The following PPP1R1C variants were observed in gnomAD, a reference collection of about 807,000 sequenced individuals.
PPP1R1C encodes the protein protein phosphatase 1 regulatory subunit 1C.
PPP1R1C carries 15 observed loss-of-function variants against 17.4 expected under a neutral mutation model. That is an observed-to-expected ratio of 0.86 (90% CI 0.58 to 1.33). PPP1R1C has a LOEUF of 1.33. Among genes scored for constraint, PPP1R1C ranks in the 40% most tolerant of loss-of-function variants. The pLI, the probability that PPP1R1C is intolerant of heterozygous loss-of-function variation, is 0.00. For synonymous variants in PPP1R1C, 35 were observed against 43.1 expected (o/e 0.81, Z 0.73); for missense variants, 143 against 130.0 (o/e 1.10, Z -0.48).
intron 4 of PPP1R1C, among the ~76,000 whole-genome samples, chr2:182,109,579 A>G (rs933572947): frequency 6.6e-6 from 1 of 152,124 alleles, no homozygotes; most frequent in African/African-American, 2.4e-5. Context: ...CCAGTTGTTC[A>G]AGTTCCCGTT....
chr2:182,105,076 G>T (rs1263736366), intron 4 of PPP1R1C, among the ~76,000 whole-genome samples: 3 of 151,944 alleles, frequency 2.0e-5, no homozygotes, highest in Non-Finnish European at 4.4e-5. Context: ...AAAAATGAGG[G>T]GTGGAAAAAA....
chr2:182,030,057 G>T (rs1235456351), intron 2 of PPP1R1C, among the ~76,000 whole-genome samples: 2 of 121,234 alleles, frequency 1.6e-5, no homozygotes, highest in Non-Finnish European at 3.4e-5. Context: ...TTGGTTTTCA[G>T]CTCCATCAGC....
intron 2 of PPP1R1C, among the ~76,000 whole-genome samples, chr2:181,992,185 G>T: frequency 1.5e-5 from 2 of 137,218 alleles, no homozygotes; most frequent in South Asian, 2.4e-4. Flanking sequence ...ATAATTAACC[G>T]GGCTTTTCAA....
intron 2 of PPP1R1C, among the ~76,000 whole-genome samples, chr2:181,989,643 T>C (rs1685401666): frequency 6.6e-6 from 1 of 152,202 alleles, no homozygotes; most frequent in African/African-American, 2.4e-5. Flanking sequence ...GATTCAGTTT[T>C]TCTCTAGAAA....
At chr2:182,034,486 A>C (rs991873073) in intron 2 of PPP1R1C, among the ~76,000 whole-genome samples, 9 of 152,210 alleles carry the variant, frequency 5.9e-5, no homozygotes, top group African/African-American at 2.2e-4. Flanking sequence ...AAAGAAGGTC[A>C]TTGAGGCTGG....
chr2:181,997,313 G>A (rs1685644172), intron 2 of PPP1R1C, among the ~76,000 whole-genome samples: 2 of 151,162 alleles, frequency 1.3e-5, no homozygotes, highest in Non-Finnish European at 2.9e-5. Context: ...CACAGAGGTA[G>A]ATATCCAACT....
In PPP1R1C at chr2:182,053,782, A is replaced by AT. The variant is rs1553507718; in HGVS notation, c.143-7657dup. 1.7e-3 allele frequency among the ~76,000 whole-genome samples: 249 copies of AT among 147,856 alleles called. 2 individuals carry two copies. The highest frequency in any genetic ancestry group is 4.2e-3 in the Admixed American group (63 of 14,968). ...TTTTATTTATTTATTTATTTATTTT[A>AT]TTTATTTATTCTTTTGAGACAGAAT... On this transcript the variant is annotated intron_variant, in intron 2 of 4. Coordinates refer to ENST00000682840, the MANE Select transcript of PPP1R1C (RefSeq NM_001080545.3).
At chr2:182,045,948 G>A (rs965158056) in intron 2 of PPP1R1C, among the ~76,000 whole-genome samples, 1 of 152,004 alleles carries the variant, frequency 6.6e-6, no homozygotes, top group East Asian at 1.9e-4. Flanking sequence ...ACCTTTTACT[G>A]TATATATATT....
Position 182,014,231 on chromosome 2 carries a change from C to A in PPP1R1C, c.142+26332C>A, listed in dbSNP as rs1390799624. 3.3e-5 allele frequency among the ~76,000 whole-genome samples: 5 copies of A among 152,176 alleles called. No individual in the cohort carries two copies. The South Asian group carries it at 1.0e-3, about 32-fold the overall frequency. ...CATTGAGTGTTGTTATCTACCTGGT[C>A]ACTGTAGCTGTATCTGCATTAGGAG... On this transcript the variant is annotated intron_variant, in intron 2 of 4. Coordinates refer to ENST00000682840, the MANE Select transcript of PPP1R1C (RefSeq NM_001080545.3).
chr2:182,118,942 T>C (rs1689659204), downstream of PPP1R1C, among the ~76,000 whole-genome samples: 1 of 151,834 alleles, frequency 6.6e-6, no homozygotes, highest in African/African-American at 2.4e-5. Context: ...TTAGGGTACA[T>C]GTGCACAACA....
At chr2:182,077,251 A>T (rs933772871) in intron 4 of PPP1R1C, among the ~76,000 whole-genome samples, 1 of 149,766 alleles carries the variant, frequency 6.7e-6, no homozygotes. Flanking sequence ...ATAAAATGTC[A>T]TAAACTTACT....
chr2:181,985,612 C>A (rs1481512248), upstream of PPP1R1C, among the ~76,000 whole-genome samples: 1 of 152,138 alleles, frequency 6.6e-6, no homozygotes, highest in Non-Finnish European at 1.5e-5. This position sits in a 1 kb window ranked among gnomAD's most constrained non-coding sequence, Gnocchi z 4.1. Flanking sequence ...CATACCTAAA[C>A]CCTGCCCCCA....
intron 2 of PPP1R1C, among the ~76,000 whole-genome samples, chr2:182,046,524 G>A (rs1330500121): frequency 2.7e-5 from 4 of 150,068 alleles, no homozygotes; most frequent in East Asian, 2.0e-4. Context: ...TCAAGAGATC[G>A]AGACCTTCCT....
chr2:182,043,514 A>G (rs1339694039), intron 2 of PPP1R1C, among the ~76,000 whole-genome samples: 2 of 152,176 alleles, frequency 1.3e-5, no homozygotes, highest in Non-Finnish European at 2.9e-5. Flanking sequence ...TTCCACATAT[A>G]TGCCCAGACA....
chr2:181,985,739 G>A (rs78683121), upstream of PPP1R1C: 12 of 269,756 alleles, frequency 4.4e-5, no homozygotes, highest in South Asian at 6.2e-4. The surrounding 1 kb of genome is among the most constrained non-coding windows in gnomAD (Gnocchi z 4.1). Flanking sequence ...AGTGGATAGA[G>A]CCTTTCTTTC....
At chr2:182,007,825 G>A (rs569102845) in intron 2 of PPP1R1C, among the ~76,000 whole-genome samples, 2 of 152,348 alleles carry the variant, frequency 1.3e-5, no homozygotes, top group African/African-American at 2.4e-5. Context: ...CACTTTGGGA[G>A]GCTGAGGCGG....
chr2:182,014,632 G>A, intron 2 of PPP1R1C, among the ~76,000 whole-genome samples: 1 of 151,874 alleles, frequency 6.6e-6, no homozygotes, highest in African/African-American at 2.4e-5. Flanking sequence ...CTTCACAGCG[G>A]CAAACCCTAC....
intron 5 of PPP1R1C, among the ~76,000 whole-genome samples, chr2:182,128,371 T>C (rs950720649): frequency 3.9e-5 from 6 of 152,064 alleles, no homozygotes; most frequent in African/African-American, 4.8e-5. Context: ...AGTTTTCTGC[T>C]CGGTAAAACG....
At chr2:182,041,898 T>C (rs932502838) in intron 2 of PPP1R1C, among the ~76,000 whole-genome samples, 7 of 152,314 alleles carry the variant, frequency 4.6e-5, no homozygotes, top group Non-Finnish European at 8.8e-5. Flanking sequence ...AAAGTTTAAT[T>C]TATAATGTAT....
Sources: allele counts gnomAD v4.1 joint callset (sites outside exome capture counted in the v4.1 genomes callset), GRCh38; gene constraint gnomAD v4.1.1; non-coding constraint Gnocchi (gnomAD v3.1); transcripts MANE v1.5; gene names NCBI Gene and HGNC (gene_info 2026-07-23, HGNC 2026-07-21).